LBHD1: variants seen among roughly 807,000 people sequenced by gnomAD.
LBHD1 encodes the protein LBH domain containing 1.
A neutral mutation model predicts 31.1 loss-of-function variants in LBHD1; 28 were observed. That is an observed-to-expected ratio of 0.90 (90% CI 0.67 to 1.24). LBHD1 has a LOEUF of 1.24. Among genes scored for constraint, LBHD1 ranks in the 50% most tolerant of loss-of-function variants. The pLI, the probability that LBHD1 is intolerant of heterozygous loss-of-function variation, is 0.00. For synonymous variants in LBHD1, 105 were observed against 116.5 expected, an observed-to-expected ratio of 0.90 and a Z score of 0.63; for missense variants, 350 against 323.0, an observed-to-expected ratio of 1.08 and a Z score of -0.64.
intron 5 of LBHD1, 96 bp downstream of exon 5, chr11:62,664,753 A>G: frequency 6.8e-7 from 1 of 1,466,048 alleles, no homozygotes; most frequent in South Asian, 1.3e-5. Flanking sequence ...GCGTCAGTGC[A>G]CAAGGTGAGC....
intron 5 of LBHD1, among the ~76,000 whole-genome samples, chr11:62,663,942 G>A (rs1177167883): frequency 6.6e-6 from 1 of 150,570 alleles, no homozygotes; most frequent in Admixed American, 6.6e-5. Flanking sequence ...GTGCAGTGGG[G>A]AGCACCTGTA....
At chr11:62,663,454 C>G (rs1005510640) in intron 5 of LBHD1, 121 bp from the exon 6 acceptor site, 3 of 1,028,606 alleles carry the variant, frequency 2.9e-6, no homozygotes, top group Admixed American at 2.8e-5. Context: ...CGCCTGTAAT[C>G]CCAGCACTTT....
intron 4 of LBHD1, chr11:62,665,825 A>C (rs540699308): frequency 5.0e-6 from 8 of 1,596,032 alleles, no homozygotes; most frequent in Non-Finnish European, 6.9e-6. Context: ...CTCCGGCTGG[A>C]GTAGGGTGGA....
chr11:62,666,472 C>T (rs201286649), intron 4 of LBHD1: 15 of 1,613,862 alleles, frequency 9.3e-6, no homozygotes, highest in Non-Finnish European at 1.1e-5. Context: ...TGGGCACTGT[C>T]CCCACCTTCG....
intron 4 of LBHD1, chr11:62,666,045 TG>T: frequency 7.4e-7 from 1 of 1,350,054 alleles, no homozygotes; most frequent in Admixed American, 2.0e-5. Flanking sequence ...CCTGAAATTG[TG>T]ATTCTCAAAC....
chr11:62,671,816 T>G lies in LBHD1; in HGVS notation c.-263A>C. The G allele has an allele frequency of 6.2e-7, 1 of 1,614,000 alleles. No homozygotes were observed. On this transcript the variant is annotated 5_prime_UTR_variant, in exon 1 of 7. Transcript: ENST00000354588. ...GCAGGGGCTGGCGTGGGCTACGCGC[T>G]CCTCGTTATCGTGACCCCGGGAGAG...
chr11:62,663,364 G>A, intron 5 of LBHD1, 31 bp from the exon 6 acceptor site: 1 of 1,603,848 alleles, frequency 6.2e-7, no homozygotes, highest in Non-Finnish European at 8.5e-7. Flanking sequence ...AAGAGAGCTA[G>A]GTTAACCTGA....
intron 4 of LBHD1, 50 bp from the exon 5 acceptor site, chr11:62,665,023 G>C: frequency 6.2e-7 from 1 of 1,600,298 alleles, no homozygotes; most frequent in Non-Finnish European, 8.5e-7. Flanking sequence ...GCCGCGACCC[G>C]GGGCCCCTCC....
At chr11:62,664,698 T>TATCA in intron 5 of LBHD1, 151 bp downstream of exon 5, 1 of 1,022,028 alleles carries the variant, frequency 9.8e-7, no homozygotes, top group Non-Finnish European at 1.4e-6. Flanking sequence ...TGTGAGAGGC[T>TATCA]ATCAGAGCTT....
intron 5 of LBHD1, among the ~76,000 whole-genome samples, chr11:62,663,868 T>C (rs1008581701): frequency 6.8e-6 from 1 of 147,286 alleles, no homozygotes; most frequent in African/African-American, 2.5e-5. Flanking sequence ...AGGTCAGGAG[T>C]TCAAGACCAG....
chr11:62,667,866 A>G, intron 3 of LBHD1, 119 bp from the exon 4 acceptor site: 2 of 694,820 alleles, frequency 2.9e-6, no homozygotes, highest in Non-Finnish European at 5.0e-6. Context: ...CAAGGTGGGC[A>G]GATTGCTTGA....
At chr11:62,666,797 T>TTG in intron 4 of LBHD1, 1 of 1,614,106 alleles carries the variant, frequency 6.2e-7, no homozygotes, top group Non-Finnish European at 8.5e-7. Context: ...TTCAGGCTCT[T>TTG]TCCAACTACT....
intron 5 of LBHD1, 25 bp from the exon 6 acceptor site, chr11:62,663,358 G>C (rs575233378): frequency 2.5e-6 from 4 of 1,609,190 alleles, no homozygotes; most frequent in Non-Finnish European, 1.7e-6. Flanking sequence ...GAAATAAAGA[G>C]AGCTAGGTTA....
intron 3 of LBHD1, among the ~76,000 whole-genome samples, chr11:62,668,910 G>C (rs995862817): frequency 1.2e-4 from 18 of 151,886 alleles, no homozygotes; most frequent in African/African-American, 4.3e-4. Flanking sequence ...TTAGGTAGTT[G>C]GTCTTGGGGT....
In LBHD1 at chr11:62,672,102, G is replaced by A. The variant is rs748857302; in HGVS notation, c.-549C>T. 3.2e-6 allele frequency: 5 copies of A among 1,580,182 alleles called. No individual in the cohort carries two copies. The South Asian group carries it at 4.6e-5, about 14-fold the overall frequency. ...TTGGCGGCGAAGGCGGCGCCGGCGG[G>A]AGGTCACCGTGAGACCGGACTTGCC... On this transcript the variant is annotated 5_prime_UTR_variant, in exon 1 of 7. Coordinates refer to ENST00000354588, the MANE Select transcript of LBHD1 (RefSeq NM_024099.5).
intron 3 of LBHD1, 163 bp downstream of exon 3, chr11:62,669,478 A>G (rs1488253873): frequency 1.1e-5 from 11 of 968,642 alleles, no homozygotes; most frequent in Non-Finnish European, 1.3e-5. Context: ...TCTACAATTC[A>G]TCAACTTTGC....
chr11:62,671,699 G>C lies in LBHD1; in HGVS notation c.-146C>G. ...GTGAGACCGCGCGGCAACAGCTTGC[G>C]GCTGCGGGGAGCTCCCGTGGGCGCT... is the stretch of plus-strand genomic sequence containing the variant. On this transcript the variant is annotated 5_prime_UTR_variant, in exon 1 of 7. Transcript: ENST00000354588. 6.2e-7 allele frequency: 1 copy of C among 1,604,914 alleles called. No homozygotes were observed. Among genetic ancestry groups the C allele is most frequent in the Non-Finnish European group, 8.5e-7 (1 of 1,175,614 alleles).
chr11:62,669,129 C>T (rs982242277), intron 3 of LBHD1, among the ~76,000 whole-genome samples: 1 of 152,142 alleles, frequency 6.6e-6, no homozygotes, highest in Non-Finnish European at 1.5e-5. Flanking sequence ...ACCATGTTAG[C>T]CAGGATGGTC....
chr11:62,664,228 T>C (rs1374228043), intron 5 of LBHD1, among the ~76,000 whole-genome samples: 1 of 151,762 alleles, frequency 6.6e-6, no homozygotes, highest in Admixed American at 6.6e-5. Flanking sequence ...CGCCTATGTG[T>C]GCACTTTTCT....
Sources: gnomAD v4.1 joint callset for allele counts (sites outside exome capture counted in the v4.1 genomes callset) on GRCh38, gnomAD v4.1.1 for gene constraint, MANE v1.5 for transcripts, NCBI Gene and HGNC (gene_info 2026-07-23, HGNC 2026-07-21) for gene names.